Variants in PPP3CC observed in about 807,000 individuals in gnomAD.
The protein encoded by PPP3CC is serine/threonine-protein phosphatase 2B catalytic subunit gamma isoform.
PPP3CC carries 35 observed loss-of-function variants against 60.3 expected under a neutral mutation model. The ratio of observed to expected loss-of-function variants is 0.58; its 90% CI spans 0.44 to 0.77. The LOEUF (loss-of-function observed/expected upper bound fraction) is 0.77, where lower values mean the gene tolerates loss of function less well. PPP3CC is among the 30% of genes least tolerant of loss of function. The pLI is 0.00. For synonymous variants in PPP3CC, 206 were observed against 224.3 expected (o/e 0.92, Z 0.73); for missense variants, 570 against 628.9 (o/e 0.91, Z 1.00).
At chr8:22,510,737 T>C (rs1166120761) in intron 4 of PPP3CC, among the ~76,000 whole-genome samples, 1 of 152,224 alleles carries the variant, frequency 6.6e-6, no homozygotes, top group Non-Finnish European at 1.5e-5. Flanking sequence ...TCAATGTGTG[T>C]TGTAAAACTA....
chr8:22,462,145 G>A (rs1445609558), intron 1 of PPP3CC, among the ~76,000 whole-genome samples: 2 of 152,256 alleles, frequency 1.3e-5, no homozygotes, highest in East Asian at 3.9e-4. Flanking sequence ...TTGGGAGGCT[G>A]AGGGGGAGGA....
At chr8:22,451,884 A>G (rs1373514823) in intron 1 of PPP3CC, among the ~76,000 whole-genome samples, 1 of 152,244 alleles carries the variant, frequency 6.6e-6, no homozygotes, top group Non-Finnish European at 1.5e-5. Context: ...CATTATGTAT[A>G]TGCAAATATT....
chr8:22,452,038 G>GTTTTTTTT (rs1563673597), intron 1 of PPP3CC, among the ~76,000 whole-genome samples: 2 of 148,480 alleles, frequency 1.3e-5, no homozygotes, highest in African/African-American at 5.0e-5. Context: ...TTTTTTAACA[G>GTTTTTTTT]TTTTAGAGAT....
At chr8:22,476,164 A>G (rs1837882062) in intron 3 of PPP3CC, among the ~76,000 whole-genome samples, 1 of 152,232 alleles carries the variant, frequency 6.6e-6, no homozygotes, top group African/African-American at 2.4e-5. Context: ...GAAAATGGAA[A>G]GATAGGAACA....
At chr8:22,510,447 C>A (rs17670914) in intron 4 of PPP3CC, among the ~76,000 whole-genome samples, 2,006 of 152,242 alleles carry the variant, frequency 0.013, 26 homozygotes, top group South Asian at 0.022. Context: ...ATCTTCAACA[C>A]CCCTAAGAGA....
At chr8:22,473,589 A>G (rs1586809574) in intron 1 of PPP3CC, among the ~76,000 whole-genome samples, 1 of 150,788 alleles carries the variant, frequency 6.6e-6, no homozygotes, top group African/African-American at 2.4e-5. Flanking sequence ...TCAGCCTCCC[A>G]GGTAGCTGGG....
At chr8:22,535,479 C>T (rs879775419) in intron 12 of PPP3CC, among the ~76,000 whole-genome samples, 11 of 150,862 alleles carry the variant, frequency 7.3e-5, no homozygotes, top group Admixed American at 6.0e-4. Flanking sequence ...CCCACCTCAT[C>T]GTTCATCTGG....
chr8:22,524,283 A>G (rs893910031), intron 8 of PPP3CC, among the ~76,000 whole-genome samples: 1 of 152,208 alleles, frequency 6.6e-6, no homozygotes, highest in African/African-American at 2.4e-5. Flanking sequence ...AGTTTCAAAG[A>G]TGGCCAAAAT....
chr8:22,446,812 A>C (rs1467084972), intron 1 of PPP3CC, among the ~76,000 whole-genome samples: 1 of 149,772 alleles, frequency 6.7e-6, no homozygotes, highest in Non-Finnish European at 1.5e-5. Flanking sequence ...TCTCAAAAAA[A>C]AAAAAAAAAA....
At chr8:22,518,536 G>T (rs914902900) in intron 6 of PPP3CC, among the ~76,000 whole-genome samples, 39 of 152,118 alleles carry the variant, frequency 2.6e-4, no homozygotes, top group African/African-American at 9.2e-4. Context: ...CACTTGGGAA[G>T]AATTCTATTC....
intron 1 of PPP3CC, among the ~76,000 whole-genome samples, chr8:22,447,471 C>T (rs991174085): frequency 6.6e-6 from 1 of 151,872 alleles, no homozygotes; most frequent in Admixed American, 6.6e-5. Context: ...CGTGAGCCAC[C>T]GAGCCTGGCC....
intron 1 of PPP3CC, among the ~76,000 whole-genome samples, chr8:22,445,349 ATAATGGATTTACCGAGG>A: frequency 6.6e-6 from 1 of 152,276 alleles, no homozygotes; most frequent in South Asian, 2.1e-4. Context: ...TTTTATATCC[ATAATGGATTTACCGAGG>A]GTTTAAAATT....
chr8:22,536,966 C>T (rs1839857685), intron 12 of PPP3CC, among the ~76,000 whole-genome samples: 1 of 151,918 alleles, frequency 6.6e-6, no homozygotes, highest in South Asian at 2.1e-4. Context: ...AAAAATAAAG[C>T]CAATAGCCAC....
At chr8:22,537,795 A>G (rs916070818) in intron 12 of PPP3CC, among the ~76,000 whole-genome samples, 29 of 152,236 alleles carry the variant, frequency 1.9e-4, no homozygotes, top group African/African-American at 6.8e-4. Flanking sequence ...GAAGTCAGTC[A>G]CTACAGACCA....
chr8:22,519,074 T>C lies in PPP3CC; in HGVS notation c.771-3417T>C, dbSNP rs531472913. Among the ~76,000 whole-genome samples the C allele has an allele frequency of 3.9e-5, 6 of 152,334 alleles. No individual in the cohort carries two copies. In the South Asian group the frequency reaches 1.2e-3, roughly 32 times the overall value. On this transcript the variant is annotated intron_variant, in intron 6 of 13. Transcript: ENST00000240139. ...TAGGTGCTTTGATGTTGGGCACATA[T>C]ATATTTATAATTGTTACATCTTTCT...
At position 22,441,315 on chromosome 8, in the gene PPP3CC, T is replaced by C. The variant is rs2132414354; in HGVS notation, c.-95T>C. 7.9e-7 allele frequency: 1 copy of C among 1,266,032 alleles called. No homozygotes were observed. Among genetic ancestry groups the C allele is most frequent in the Admixed American group, 3.0e-5 (1 of 32,850 alleles). The allele number at this position is 1,266,032 out of a possible 1,614,324, so 78.4% of individuals were successfully genotyped here. ...GGGCCGGGCACGGCTGGCTGACGGCTCCGGGCAGCTAAGGCTGCCCGAGGA... is the reference window on the plus strand; with the variant it reads ...GGGCCGGGCACGGCTGGCTGACGGCCCCGGGCAGCTAAGGCTGCCCGAGGA... On this transcript the variant is annotated 5_prime_UTR_variant, in exon 1 of 14. Coordinates refer to ENST00000240139, the MANE Select transcript of PPP3CC (RefSeq NM_005605.5).
chr8:22,479,942 A>C (rs1838011551), intron 3 of PPP3CC, among the ~76,000 whole-genome samples: 1 of 152,162 alleles, frequency 6.6e-6, no homozygotes. Flanking sequence ...AATCTCATGT[A>C]ATCAATTTAT....
At chr8:22,504,954 C>T (rs1330160253) in intron 4 of PPP3CC, among the ~76,000 whole-genome samples, 1 of 151,188 alleles carries the variant, frequency 6.6e-6, no homozygotes, top group Non-Finnish European at 1.5e-5. Context: ...TCCACAAATA[C>T]TCTGGGTGCA....
At chr8:22,525,578 C>G (rs1049514581) in intron 8 of PPP3CC, among the ~76,000 whole-genome samples, 3 of 147,780 alleles carry the variant, frequency 2.0e-5, no homozygotes, top group East Asian at 3.9e-4. Flanking sequence ...CTCTCTCTCT[C>G]TTTCTCTCGG....
Sources: allele counts gnomAD v4.1 joint callset (sites outside exome capture counted in the v4.1 genomes callset), GRCh38; gene constraint gnomAD v4.1.1; transcripts MANE v1.5; gene names NCBI Gene and HGNC (gene_info 2026-07-23, HGNC 2026-07-21).